SPHKAP: variants seen among roughly 807,000 people sequenced by gnomAD.
SPHKAP encodes SPHK1 interactor, AKAP domain containing, also known as A-kinase anchor protein SPHKAP.
SPHKAP carries 67 observed loss-of-function variants against 137.5 expected under a neutral mutation model. The observed-to-expected ratio is 0.49, with a 90% CI of 0.40 to 0.60. The LOEUF is 0.60. SPHKAP is among the 20% of genes least tolerant of loss of function. SPHKAP has a pLI of 0.00. For synonymous variants in SPHKAP, 813 were observed against 785.3 expected (o/e 1.04, Z -0.59); for missense variants, 2,097 against 2,069.3 (o/e 1.01, Z -0.26).
intron 1 of SPHKAP, among the ~76,000 whole-genome samples, chr2:228,159,510 C>A (rs547017615): frequency 6.6e-6 from 1 of 152,114 alleles, no homozygotes; most frequent in African/African-American, 2.4e-5. Flanking sequence ...TATCTCCCTG[C>A]ATGTTTGCAT....
chr2:228,075,441 A>G lies in SPHKAP; in HGVS notation c.246+33391T>C, dbSNP rs372920962. 5.3e-5 allele frequency among the ~76,000 whole-genome samples: 8 copies of G among 151,964 alleles called. No individual in the cohort carries two copies. The East Asian group carries it at 9.7e-4, about 18-fold the overall frequency. ...TGCTTCTTTTTTTTTTCAAAGGCTGACCAGTGTTTGGTCCTTTCTCAGCAT... is the reference window on the plus strand; with the variant it reads ...TGCTTCTTTTTTTTTTCAAAGGCTGGCCAGTGTTTGGTCCTTTCTCAGCAT... On this transcript the variant is annotated intron_variant, in intron 3 of 11. Transcript: ENST00000392056.
At chr2:228,163,456 G>A (rs187708034) in intron 1 of SPHKAP, among the ~76,000 whole-genome samples, 23 of 152,182 alleles carry the variant, frequency 1.5e-4, no homozygotes, top group Admixed American at 1.3e-3. Flanking sequence ...GCAGACTAAG[G>A]TACTAAGTGA....
rs183123225 is a variant in SPHKAP at position 228,085,716 on chromosome 2, C to T, written c.246+23116G>A. On this transcript the variant is annotated intron_variant, in intron 3 of 11. Transcript: ENST00000392056. Reference sequence around the variant, plus strand: ...AAAGGCTTTTAATGGCTTCTCTGCACATTAAGTGACCTCCGTTACAGGTTT... The same window carrying T: ...AAAGGCTTTTAATGGCTTCTCTGCATATTAAGTGACCTCCGTTACAGGTTT... 3.7e-4 allele frequency among the ~76,000 whole-genome samples: 57 copies of T among 152,270 alleles called. 1 individual carries two copies. Among genetic ancestry groups the T allele is most frequent in the Admixed American group, 2.4e-3 (36 of 15,298 alleles).
At chr2:228,055,987 G>A (rs1696426290) in intron 3 of SPHKAP, among the ~76,000 whole-genome samples, 1 of 152,138 alleles carries the variant, frequency 6.6e-6, no homozygotes, top group African/African-American at 2.4e-5. Context: ...TTTGTGTTGT[G>A]CGCAACAGAT....
intron 3 of SPHKAP, among the ~76,000 whole-genome samples, chr2:228,037,435 G>T (rs1695663611): frequency 6.6e-6 from 1 of 152,152 alleles, no homozygotes; most frequent in Admixed American, 6.5e-5. Context: ...TGTAGGATAT[G>T]CTCACACCAT....
intron 3 of SPHKAP, among the ~76,000 whole-genome samples, chr2:228,071,806 T>C (rs1360170446): frequency 6.6e-6 from 1 of 152,120 alleles, no homozygotes; most frequent in Non-Finnish European, 1.5e-5. Flanking sequence ...TTTTGTAATG[T>C]CAGGAAGGGG....
chr2:228,121,731 G>T (rs1455100837), intron 2 of SPHKAP, among the ~76,000 whole-genome samples: 6 of 152,180 alleles, frequency 3.9e-5, no homozygotes, highest in African/African-American at 1.4e-4. Context: ...AGGCAGAGAT[G>T]TGCCTAGTGA....
chr2:227,991,262 A>C lies in SPHKAP; in HGVS notation c.4774+12T>G. On this transcript the variant is annotated intron_variant, in intron 10 of 11. Transcript: ENST00000392056. Reference sequence around the variant, plus strand: ...GGCAATTGTGTGTCAAAAGTATGGGAAGGTGGCTTACCCTCTGTGCTTTCT... The same window carrying C: ...GGCAATTGTGTGTCAAAAGTATGGGCAGGTGGCTTACCCTCTGTGCTTTCT... 6.2e-7 allele frequency: 1 copy of C among 1,614,196 alleles called. No individual in the cohort carries two copies. Among genetic ancestry groups the C allele is most frequent in the Non-Finnish European group, 8.5e-7 (1 of 1,180,016 alleles).
chr2:228,027,817 T>G (rs2106231270), intron 3 of SPHKAP, among the ~76,000 whole-genome samples: 1 of 151,842 alleles, frequency 6.6e-6, no homozygotes, highest in African/African-American at 2.4e-5. Flanking sequence ...AATACAAAAA[T>G]TAGCTGGGTG....
intron 2 of SPHKAP, 39 bp from the exon 3 acceptor site, chr2:228,108,978 T>C: frequency 7.4e-7 from 1 of 1,342,560 alleles, no homozygotes; most frequent in Non-Finnish European, 1.0e-6. Flanking sequence ...TATTCGGCAA[T>C]CCTTTCTATC....
intron 7 of SPHKAP, among the ~76,000 whole-genome samples, chr2:227,997,980 A>G (rs1693697550): frequency 6.6e-6 from 1 of 152,186 alleles, no homozygotes; most frequent in African/African-American, 2.4e-5. Context: ...GAGATGTGGC[A>G]CTACTTGCAA....
At chr2:228,132,625 A>T (rs79625390) in intron 1 of SPHKAP, 531 of 281,876 alleles carry the variant, frequency 1.9e-3, no homozygotes, top group South Asian at 3.2e-3. Flanking sequence ...AAAATTATAG[A>T]CTTATATCCC....
chr2:227,991,815 T>C, intron 9 of SPHKAP: 1 of 539,082 alleles, frequency 1.9e-6, no homozygotes, highest in Non-Finnish European at 2.4e-6. Flanking sequence ...TACATGTATA[T>C]GGTTATTTGA....
chr2:227,993,370 G>A (rs929950941), intron 9 of SPHKAP, among the ~76,000 whole-genome samples, 164 bp downstream of exon 9: 2 of 152,126 alleles, frequency 1.3e-5, no homozygotes, highest in African/African-American at 4.8e-5. Context: ...TGGTGGTAGG[G>A]CAGGGCCTAT....
In SPHKAP at chr2:228,001,246, T is replaced by C. The variant is rs1351715133; in HGVS notation, c.4449-5552A>G. Among the ~76,000 whole-genome samples, 667 of 127,030 alleles carry C rather than the reference T, an allele frequency of 5.3e-3. 4 individuals carry two copies. Among genetic ancestry groups the C allele is most frequent in the African/African-American group, 0.018 (628 of 34,048 alleles). 83.3% of individuals were successfully genotyped at this position (127,030 alleles called of 152,430 possible). ...TTATATAAACATATATATATATATA[T>C]ATACACACACACACACATATATAAA... On this transcript the variant is annotated intron_variant, in intron 7 of 11. Coordinates refer to ENST00000392056, the MANE Select transcript of SPHKAP (RefSeq NM_001142644.2).
In SPHKAP at chr2:228,170,727, A is replaced by T. The variant is rs146665021; in HGVS notation, c.32+10840T>A. On this transcript the variant is annotated intron_variant, in intron 1 of 11. Transcript: ENST00000392056. ...GCTATAAAGTACACATAACTTTTGAATCCCTTGGAAAACCAAAAAAATTTT... is the reference window on the plus strand; with the variant it reads ...GCTATAAAGTACACATAACTTTTGATTCCCTTGGAAAACCAAAAAAATTTT... 4.5e-4 allele frequency among the ~76,000 whole-genome samples: 69 copies of T among 152,190 alleles called. 1 individual carries two copies. The highest frequency in any genetic ancestry group is 1.5e-3 in the African/African-American group (62 of 41,568).
At chr2:228,082,521 T>C (rs765016626) in intron 3 of SPHKAP, among the ~76,000 whole-genome samples, 14 of 152,190 alleles carry the variant, frequency 9.2e-5, no homozygotes, top group Admixed American at 5.9e-4. Context: ...ATGGTAGCAA[T>C]AAAAAGCATG....
chr2:228,034,953 C>T (rs1474550467), intron 3 of SPHKAP, among the ~76,000 whole-genome samples: 1 of 151,310 alleles, frequency 6.6e-6, no homozygotes, highest in Non-Finnish European at 1.5e-5. Flanking sequence ...TGGAAGCATT[C>T]CCTTTGAAAA....
chr2:228,151,507 C>T (rs1699929863), intron 1 of SPHKAP, among the ~76,000 whole-genome samples: 1 of 152,142 alleles, frequency 6.6e-6, no homozygotes, highest in Admixed American at 6.5e-5. Context: ...GGAATCACCG[C>T]ACTGACTTCC....
Sources: allele counts gnomAD v4.1 joint callset (sites outside exome capture counted in the v4.1 genomes callset), GRCh38; gene constraint gnomAD v4.1.1; transcripts MANE v1.5; gene names NCBI Gene and HGNC (gene_info 2026-07-23, HGNC 2026-07-21).